DNAH9: variants seen among roughly 807,000 people sequenced by gnomAD.
DNAH9 encodes the protein DNAH9 variant protein.
Under a neutral mutation model 471.6 loss-of-function variants are expected in DNAH9, and 345 were observed. The observed-to-expected ratio is 0.73, with a 90% CI of 0.67 to 0.80. The LOEUF is 0.80. DNAH9 is among the 30% of genes least tolerant of loss of function. DNAH9 has a pLI of 0.00. For missense variants in DNAH9, 5,407 were observed against 5,609.2 expected (o/e 0.96, Z 1.15); for synonymous variants, 2,093 against 2,123.6 (o/e 0.99, Z 0.40).
chr17:11,721,667 T>A (rs1029598622), intron 27 of DNAH9, among the ~76,000 whole-genome samples: 1 of 151,428 alleles, frequency 6.6e-6, no homozygotes, highest in Admixed American at 6.6e-5. Flanking sequence ...TAGATGGATT[T>A]TAGGTAGATA....
chr17:11,961,679 T>C (rs76403061), intron 67 of DNAH9, among the ~76,000 whole-genome samples, 188 bp from the exon 68 acceptor site: 1,615 of 152,236 alleles, frequency 0.011, 32 homozygotes, highest in African/African-American at 0.037. Flanking sequence ...AGACAAACCT[T>C]CCAAAGCAAG....
At chr17:11,921,646 G>A (rs892381220) in intron 61 of DNAH9, among the ~76,000 whole-genome samples, 2 of 152,160 alleles carry the variant, frequency 1.3e-5, no homozygotes, top group Admixed American at 6.5e-5. Context: ...GAAAGACCTC[G>A]CAAGGTTACC....
intron 67 of DNAH9, among the ~76,000 whole-genome samples, chr17:11,957,996 C>G (rs1975746459): frequency 6.6e-6 from 1 of 152,006 alleles, no homozygotes; most frequent in Non-Finnish European, 1.5e-5. Context: ...TCGTAACTGC[C>G]AAAACTTGGA....
chr17:11,662,747 CTTTTTTT>C (rs71142226), intron 14 of DNAH9, among the ~76,000 whole-genome samples: 1 of 45,436 alleles, frequency 2.2e-5, no homozygotes, highest in Non-Finnish European at 3.8e-5. Context: ...TTGAGGCTCG[CTTTTTTT>C]TTTTTTTTTT....
At chr17:11,835,757 G>A (rs552024973) in intron 49 of DNAH9, among the ~76,000 whole-genome samples, 13 of 152,230 alleles carry the variant, frequency 8.5e-5, no homozygotes, top group East Asian at 1.9e-4. Context: ...GCCTTCTCCC[G>A]AGAGTCTGGC....
chr17:11,736,516 C>A (rs1185327885), intron 28 of DNAH9, among the ~76,000 whole-genome samples: 1 of 152,202 alleles, frequency 6.6e-6, no homozygotes. Context: ...GACCCTCTGG[C>A]CTTTCCCAGG....
At chr17:11,883,249 A>C (rs1972784873) in intron 55 of DNAH9, 5 of 1,032,134 alleles carry the variant, frequency 4.8e-6, no homozygotes, top group Non-Finnish European at 5.8e-6. Flanking sequence ...ACTGGACCCT[A>C]ACCCTCTAGT....
chr17:11,761,526 A>C (rs1477617282), intron 35 of DNAH9, among the ~76,000 whole-genome samples: 2 of 151,922 alleles, frequency 1.3e-5, no homozygotes, highest in Non-Finnish European at 2.9e-5. Context: ...TCCCACACAA[A>C]CCCCATCTGC....
chr17:11,667,661 C>G (rs1160083414), intron 15 of DNAH9, among the ~76,000 whole-genome samples: 1 of 152,226 alleles, frequency 6.6e-6, no homozygotes, highest in Non-Finnish European at 1.5e-5. Context: ...TTCCTTCTGT[C>G]CTATGGCTCC....
chr17:11,873,806 G>T (rs2150987934), intron 52 of DNAH9, among the ~76,000 whole-genome samples: 1 of 136,766 alleles, frequency 7.3e-6, no homozygotes, highest in African/African-American at 2.8e-5. Context: ...ATGTTTTGGG[G>T]GTAGAGCCGA....
chr17:11,722,542 G>A (rs1475519234), intron 27 of DNAH9, among the ~76,000 whole-genome samples: 1 of 152,188 alleles, frequency 6.6e-6, no homozygotes. Context: ...ATATGGGCAG[G>A]CAGTCAGTGG....
intron 49 of DNAH9, among the ~76,000 whole-genome samples, chr17:11,842,527 C>T (rs1324747292): frequency 6.6e-6 from 1 of 152,168 alleles, no homozygotes; most frequent in African/African-American, 2.4e-5. Flanking sequence ...GGAAGCCAGT[C>T]CGGGTCCCAA....
intron 28 of DNAH9, among the ~76,000 whole-genome samples, chr17:11,736,105 A>C (rs888091320): frequency 2.0e-5 from 3 of 152,214 alleles, no homozygotes; most frequent in African/African-American, 7.2e-5. Context: ...CTTAATGCTA[A>C]CATCTTACAT....
chr17:11,844,984 C>CT lies in DNAH9; in HGVS notation c.9508-9010dup, dbSNP rs553196445. On this transcript the variant is annotated intron_variant, in intron 49 of 68. Coordinates refer to ENST00000262442, the MANE Select transcript of DNAH9 (RefSeq NM_001372.4). ...AGTGTCTGTTCATGTCCTTTGTCCA[C>CT]TTTTTTTTTACCATCTTTTTTTTTT... Among the ~76,000 whole-genome samples the CT allele has an allele frequency of 3.0e-3, 447 of 149,892 alleles. 2 individuals are homozygous for CT. The highest frequency in any genetic ancestry group is 3.7e-3 in the Non-Finnish European group (252 of 67,394).
chr17:11,756,566 A>G lies in DNAH9; in HGVS notation c.6739-2A>G. 6.3e-7 allele frequency: 1 copy of G among 1,592,020 alleles called. No homozygotes were observed. Among genetic ancestry groups the G allele is most frequent in the Non-Finnish European group, 8.6e-7 (1 of 1,159,710 alleles). On this transcript the variant is annotated splice_acceptor_variant, in intron 33 of 68. Coordinates refer to ENST00000262442, the MANE Select transcript of DNAH9 (RefSeq NM_001372.4). LOFTEE classifies it high-confidence loss of function. ...TGGCATGCCCTTCCCTGTTGTCTCC[A>G]GGTGCTGACATTGGCCAGCAATGAG...
intron 26 of DNAH9, among the ~76,000 whole-genome samples, chr17:11,710,517 T>A (rs990537151): frequency 2.6e-5 from 4 of 152,220 alleles, no homozygotes; most frequent in African/African-American, 9.6e-5. Flanking sequence ...GTATTACTGT[T>A]ACTTTATTAC....
chr17:11,779,016 G>T (rs1319400008), intron 38 of DNAH9, among the ~76,000 whole-genome samples: 1 of 151,956 alleles, frequency 6.6e-6, no homozygotes, highest in African/African-American at 2.4e-5. Context: ...CAAAAAAAAA[G>T]AAGAAAATTA....
rs899343141 is a variant in DNAH9 at position 11,908,845 on chromosome 17, C to T, written c.11749+3036C>T. On this transcript the variant is annotated intron_variant, in intron 61 of 68. Coordinates refer to ENST00000262442, the MANE Select transcript of DNAH9 (RefSeq NM_001372.4). ...TTCCGCGGATGCCGGGTGTTTATCA[C>T]AATTAACAGCAAGACCAGTGTCTGT... is the stretch of plus-strand genomic sequence containing the variant. Among the ~76,000 whole-genome samples, 21 of 152,306 alleles carry T rather than the reference C, an allele frequency of 1.4e-4. 1 individual carries two copies. The highest frequency in any genetic ancestry group is 1.2e-3 in the Admixed American group (19 of 15,302).
intron 45 of DNAH9, among the ~76,000 whole-genome samples, chr17:11,813,238 GAA>G (rs893266030): frequency 2.8e-5 from 4 of 141,380 alleles, no homozygotes; most frequent in Non-Finnish European, 3.1e-5. Context: ...ATTCTTTAAG[GAA>G]AAAAAAAAAG....
Sources: allele counts gnomAD v4.1 joint callset (sites outside exome capture counted in the v4.1 genomes callset), GRCh38; gene constraint gnomAD v4.1.1; transcripts MANE v1.5; gene names NCBI Gene and HGNC (gene_info 2026-07-23, HGNC 2026-07-21).